EXOC6B: variants seen among roughly 807,000 people sequenced by gnomAD.
The protein encoded by EXOC6B is exocyst complex component 6B.
Under a neutral mutation model 113.5 loss-of-function variants are expected in EXOC6B, and 54 were observed. The observed-to-expected ratio is 0.48, with a 90% CI of 0.38 to 0.60. The LOEUF (loss-of-function observed/expected upper bound fraction) is 0.60. Ranked by LOEUF, EXOC6B falls within the 20% of genes least tolerant of loss-of-function variation. The probability of loss-of-function intolerance (pLI) is 0.00; values close to 1 mark genes in which losing one functional copy is unlikely to be tolerated. For missense variants in EXOC6B, 797 were observed against 977.5 expected (o/e 0.82, Z 2.46); for synonymous variants, 357 against 339.0 (o/e 1.05, Z -0.58).
At chr2:72,433,960 G>C (rs909376503) in intron 18 of EXOC6B, among the ~76,000 whole-genome samples, 12 of 152,204 alleles carry the variant, frequency 7.9e-5, no homozygotes, top group Non-Finnish European at 1.3e-4. Context: ...AATGGTGAGA[G>C]AGGGCAACCT....
At chr2:72,420,438 C>T (rs1278499476) in intron 18 of EXOC6B, among the ~76,000 whole-genome samples, 3 of 152,122 alleles carry the variant, frequency 2.0e-5, no homozygotes, top group African/African-American at 7.2e-5. Context: ...CTCCCTGTGT[C>T]CATGTGTTCT....
intron 6 of EXOC6B, among the ~76,000 whole-genome samples, chr2:72,644,591 C>T (rs922173397): frequency 1.1e-4 from 17 of 152,126 alleles, no homozygotes; most frequent in African/African-American, 4.1e-4. Flanking sequence ...ACGGATCTCT[C>T]GACAGAAACT....
chr2:72,207,072 C>T (rs1303720268), intron 20 of EXOC6B, among the ~76,000 whole-genome samples: 2 of 152,040 alleles, frequency 1.3e-5, no homozygotes, highest in African/African-American at 4.8e-5. Context: ...GCAGATTTTT[C>T]CCACGAATTC....
At chr2:72,701,181 A>G (rs1342915785) in intron 6 of EXOC6B, among the ~76,000 whole-genome samples, 1 of 151,590 alleles carries the variant, frequency 6.6e-6, no homozygotes, top group African/African-American at 2.4e-5. Context: ...CATCTCTACT[A>G]AAAATACAAA....
chr2:72,763,318 G>C (rs948383196), intron 1 of EXOC6B, among the ~76,000 whole-genome samples: 5 of 151,906 alleles, frequency 3.3e-5, no homozygotes, highest in Non-Finnish European at 7.4e-5. Flanking sequence ...CCTTTGTATA[G>C]TACCTTGGTG....
intron 19 of EXOC6B, among the ~76,000 whole-genome samples, chr2:72,344,254 G>A (rs936235736): frequency 6.6e-6 from 1 of 151,840 alleles, no homozygotes; most frequent in Admixed American, 6.6e-5. Context: ...GTACTTTTCA[G>A]CTCCAAAATT....
intron 1 of EXOC6B, among the ~76,000 whole-genome samples, chr2:72,801,689 C>T (rs756104776): frequency 5.1e-4 from 78 of 152,188 alleles, no homozygotes; most frequent in Non-Finnish European, 7.5e-4. Context: ...ATCAAAACCA[C>T]GATGGAAATT....
chr2:72,462,735 T>C (rs1697778575), intron 18 of EXOC6B: 1 of 152,112 alleles, frequency 6.6e-6, no homozygotes, highest in African/African-American at 2.4e-5. Context: ...CAGTCTACAG[T>C]ATCTTGTTAT....
chr2:72,468,819 T>C (rs376838309), intron 17 of EXOC6B, among the ~76,000 whole-genome samples: 14 of 152,306 alleles, frequency 9.2e-5, no homozygotes, highest in African/African-American at 2.6e-4. Flanking sequence ...TGTTTTGTAG[T>C]TTTTCAACAG....
intron 19 of EXOC6B, among the ~76,000 whole-genome samples, chr2:72,342,029 T>C (rs544033881): frequency 6.6e-6 from 1 of 151,958 alleles, no homozygotes; most frequent in Non-Finnish European, 1.5e-5. Context: ...AATAAAAATA[T>C]ATTAAGACAA....
At chr2:72,566,026 G>C (rs1424391177) in intron 7 of EXOC6B, among the ~76,000 whole-genome samples, 1 of 151,108 alleles carries the variant, frequency 6.6e-6, no homozygotes, top group Non-Finnish European at 1.5e-5. Context: ...TTTTTTTTAA[G>C]TTTTAAAGTG....
chr2:72,319,250 T>A lies in EXOC6B; in HGVS notation c.2196+15697A>T, dbSNP rs547635450. On this transcript the variant is annotated intron_variant, in intron 20 of 21. Coordinates refer to ENST00000272427, the MANE Select transcript of EXOC6B (RefSeq NM_015189.3). Reference sequence around the variant, plus strand: ...ATCAAATTAAGAAATAAAAGAAACTTGCTTAACGGACAAAGGGCATAAAAA... The same window carrying A: ...ATCAAATTAAGAAATAAAAGAAACTAGCTTAACGGACAAAGGGCATAAAAA... Among the ~76,000 whole-genome samples the A allele has an allele frequency of 5.9e-5, 9 of 152,134 alleles. No homozygotes were observed. In the South Asian group the frequency reaches 1.9e-3, roughly 32 times the overall value.
At chr2:72,814,712 C>T (rs1686122273) in intron 1 of EXOC6B, among the ~76,000 whole-genome samples, 1 of 152,222 alleles carries the variant, frequency 6.6e-6, no homozygotes, top group East Asian at 1.9e-4. Context: ...TATAATTCTG[C>T]CGGGCGTGGT....
chr2:72,707,296 G>A (rs1314457624), intron 6 of EXOC6B, among the ~76,000 whole-genome samples: 1 of 151,990 alleles, frequency 6.6e-6, no homozygotes, highest in Non-Finnish European at 1.5e-5. Context: ...ATCTTACACA[G>A]CTTTATATGA....
In EXOC6B at chr2:72,623,670, G is replaced by T. The variant is rs956490156; in HGVS notation, c.670-48002C>A. Among the ~76,000 whole-genome samples the T allele has an allele frequency of 2.0e-5, 3 of 152,082 alleles. No homozygotes were observed. The East Asian group carries it at 5.8e-4, about 29-fold the overall frequency. On this transcript the variant is annotated intron_variant, in intron 6 of 21. Coordinates refer to ENST00000272427, the MANE Select transcript of EXOC6B (RefSeq NM_015189.3). ...CATAATGTTTCAGTGCCCTGTCAAT[G>T]ACCCAGCTGACCAGCACCTTAATTA...
intron 6 of EXOC6B, among the ~76,000 whole-genome samples, chr2:72,694,507 A>G (rs947847084): frequency 6.6e-6 from 1 of 152,214 alleles, no homozygotes; most frequent in African/African-American, 2.4e-5. Flanking sequence ...TCACAAATCT[A>G]GTTTCAGAAG....
At chr2:72,617,517 C>CCT (rs1308850857) in intron 6 of EXOC6B, among the ~76,000 whole-genome samples, 34 of 96,954 alleles carry the variant, frequency 3.5e-4, no homozygotes, top group African/African-American at 1.2e-3. Flanking sequence ...AATCTTTTTT[C>CCT]TTTTTTTTTT....
At chr2:72,577,363 A>T (rs981822463) in intron 6 of EXOC6B, among the ~76,000 whole-genome samples, 1 of 152,062 alleles carries the variant, frequency 6.6e-6, no homozygotes, top group Non-Finnish European at 1.5e-5. Flanking sequence ...AAAAGGGATC[A>T]AGGACTCCGG....
intron 6 of EXOC6B, among the ~76,000 whole-genome samples, chr2:72,642,770 T>G (rs919544274): frequency 4.6e-5 from 7 of 151,750 alleles, no homozygotes; most frequent in Admixed American, 1.3e-4. Flanking sequence ...AAATGGGATC[T>G]CATTAAACTA....
Sources: gnomAD v4.1 joint callset for allele counts (sites outside exome capture counted in the v4.1 genomes callset) on GRCh38, gnomAD v4.1.1 for gene constraint, MANE v1.5 for transcripts, NCBI Gene and HGNC (gene_info 2026-07-23, HGNC 2026-07-21) for gene names.